PIAS2: variants seen among roughly 807,000 people sequenced by gnomAD.
The protein encoded by PIAS2 is E3 SUMO-protein ligase PIAS2.
A neutral mutation model predicts 69.7 loss-of-function variants in PIAS2; 19 were observed. The ratio of observed to expected loss-of-function variants is 0.27; its 90% CI spans 0.19 to 0.40. PIAS2 has a LOEUF of 0.40. PIAS2 is among the 10% of genes least tolerant of loss of function. The probability of loss-of-function intolerance (pLI) is 1.00; values close to 1 mark genes in which losing one functional copy is unlikely to be tolerated. For missense variants in PIAS2, 624 were observed against 757.0 expected (o/e 0.82, Z 2.06); for synonymous variants, 261 against 263.2 (o/e 0.99, Z 0.08).
At chr18:46,856,876 G>C (rs1488061627) in intron 3 of PIAS2, among the ~76,000 whole-genome samples, 1 of 152,146 alleles carries the variant, frequency 6.6e-6, no homozygotes, top group Non-Finnish European at 1.5e-5. Context: ...AGCTCCACTG[G>C]AAGGCAGTAA....
At chr18:46,889,561 A>T (rs1392658236) in intron 2 of PIAS2, among the ~76,000 whole-genome samples, 1 of 150,472 alleles carries the variant, frequency 6.6e-6, no homozygotes, top group Admixed American at 6.6e-5. Flanking sequence ...GGCCACTATA[A>T]AAAAAAAAGG....
intron 1 of PIAS2, among the ~76,000 whole-genome samples, chr18:46,892,935 G>T (rs1745466268): frequency 6.6e-6 from 1 of 151,870 alleles, no homozygotes; most frequent in Admixed American, 6.6e-5. Flanking sequence ...TCAATATCTG[G>T]TGTATATTTT....
intron 1 of PIAS2, among the ~76,000 whole-genome samples, chr18:46,908,807 G>A (rs2056928338): frequency 6.6e-6 from 1 of 152,130 alleles, no homozygotes. Flanking sequence ...TCAGGAGTTC[G>A]AGACCAGCTT....
chr18:46,881,375 G>A (rs943013627), intron 2 of PIAS2, among the ~76,000 whole-genome samples: 1 of 151,942 alleles, frequency 6.6e-6, no homozygotes, highest in Non-Finnish European at 1.5e-5. Context: ...AAAAACTTTG[G>A]TGTATGTAAT....
At chr18:46,818,118 A>C (rs1331882069) in intron 12 of PIAS2, 2 of 1,060,298 alleles carry the variant, frequency 1.9e-6, no homozygotes, top group African/African-American at 3.3e-5. Context: ...TAAGTGCTTC[A>C]CTGTGAAATT....
At chr18:46,827,334 A>G (rs1208505898) in intron 11 of PIAS2, 2 of 152,182 alleles carry the variant, frequency 1.3e-5, no homozygotes, top group African/African-American at 4.8e-5. Context: ...CTTCTGCCAG[A>G]TAACTTACAG....
chr18:46,827,900 T>G (rs1421866171), intron 11 of PIAS2, 59 bp downstream of exon 11: 1 of 1,384,762 alleles, frequency 7.2e-7, no homozygotes. Context: ...TTTATAAATC[T>G]ATCCAAGAGC....
At chr18:46,839,929 G>A (rs537739335) in intron 8 of PIAS2, among the ~76,000 whole-genome samples, 49 of 151,244 alleles carry the variant, frequency 3.2e-4, no homozygotes, top group African/African-American at 1.2e-3. Flanking sequence ...TTGGGAAGCC[G>A]AGGCGGGGGA....
chr18:46,852,781 C>T (rs915812786), intron 5 of PIAS2: 6 of 152,278 alleles, frequency 3.9e-5, no homozygotes, highest in African/African-American at 1.4e-4. Flanking sequence ...ACATCTGTAG[C>T]CACCATATTT....
rs1314128029 is a variant in PIAS2 at position 46,810,336 on chromosome 18, G to A, written c.*2097C>T. On this transcript the variant is annotated 3_prime_UTR_variant, in exon 14 of 14. Coordinates refer to ENST00000585916, the MANE Select transcript of PIAS2 (RefSeq NM_004671.5). ...TTGGGGGAGTCTCTGACAATCTAAA[G>A]GGTAACAAAATAACAAATATACATC... The A allele has an allele frequency of 6.6e-6, 1 of 152,014 alleles. No individual in the cohort carries two copies. The highest frequency in any genetic ancestry group is 1.5e-5 in the Non-Finnish European group (1 of 67,998). The allele number at this position is 152,014 out of a possible 1,614,324, so 9.4% of individuals were successfully genotyped here.
chr18:46,858,895 G>A (rs962504431), intron 3 of PIAS2, among the ~76,000 whole-genome samples: 1 of 152,080 alleles, frequency 6.6e-6, no homozygotes, highest in Non-Finnish European at 1.5e-5. Context: ...CTACTCACCA[G>A]GACAAGAAGA....
chr18:46,837,748 T>C (rs977255925), intron 8 of PIAS2, among the ~76,000 whole-genome samples: 1 of 152,214 alleles, frequency 6.6e-6, no homozygotes, highest in Admixed American at 6.5e-5. Flanking sequence ...CAGGTTTTCC[T>C]ACATAATCCT....
Position 46,821,088 on chromosome 18 carries a change from C to A in PIAS2, c.1509-16G>T. ...CATGAGAACCCTGTTTTAAATAGCA[C>A]GGGAAATTACAAACAATCTGGCTGT... is the stretch of plus-strand genomic sequence containing the variant. On this transcript the variant is annotated splice_polypyrimidine_tract_variant and intron_variant, in intron 11 of 13. Coordinates refer to ENST00000585916, the MANE Select transcript of PIAS2 (RefSeq NM_004671.5). The A allele has an allele frequency of 1.9e-6, 3 of 1,612,064 alleles. No individual in the cohort carries two copies. The highest frequency in any genetic ancestry group is 2.5e-6 in the Non-Finnish European group (3 of 1,178,978).
rs987724039 is a variant in PIAS2 at position 46,891,342 on chromosome 18, C to A, written c.25-288G>T. 7 of 443,088 alleles carry A rather than the reference C, an allele frequency of 1.6e-5. No homozygotes were observed. In the Admixed American group the frequency reaches 2.3e-4, roughly 15 times the overall value. 27.4% of individuals were successfully genotyped at this position (443,088 alleles called of 1,614,324 possible). ...TTCATTATCTGATTATGCTCTAATG[C>A]AAACAGTTATTTGCTTTATGACTAT... On this transcript the variant is annotated intron_variant, in intron 1 of 13. Coordinates refer to ENST00000585916, the MANE Select transcript of PIAS2 (RefSeq NM_004671.5).
At chr18:46,860,465 A>C (rs557460270) in intron 3 of PIAS2, among the ~76,000 whole-genome samples, 119 of 152,366 alleles carry the variant, frequency 7.8e-4, no homozygotes, top group Non-Finnish European at 1.4e-3. Context: ...GCAGCAGAGA[A>C]AATACAAGAT....
intron 2 of PIAS2, among the ~76,000 whole-genome samples, chr18:46,868,675 C>T (rs2049867564): frequency 6.6e-6 from 1 of 152,190 alleles, no homozygotes; most frequent in Non-Finnish European, 1.5e-5. Context: ...GAAGTGTGAC[C>T]AGCACCCTTC....
chr18:46,882,594 G>A (rs963268575), intron 2 of PIAS2, among the ~76,000 whole-genome samples: 3 of 152,156 alleles, frequency 2.0e-5, no homozygotes, highest in Non-Finnish European at 2.9e-5. Flanking sequence ...TAGCTGCAAT[G>A]TCTGTAAAAC....
chr18:46,884,704 T>C (rs1198832281), intron 2 of PIAS2, among the ~76,000 whole-genome samples: 1 of 151,922 alleles, frequency 6.6e-6, no homozygotes, highest in Non-Finnish European at 1.5e-5. Flanking sequence ...TCACTTGAGG[T>C]CAGGAGTTTG....
Position 46,812,247 on chromosome 18 carries a change from T to G in PIAS2, c.*186A>C. 1.9e-6 allele frequency: 1 copy of G among 514,414 alleles called. No homozygotes were observed. The highest frequency in any genetic ancestry group is 3.2e-5 in the South Asian group (1 of 31,190). The allele number at this position is 514,414 out of a possible 1,614,324, so 31.9% of individuals were successfully genotyped here. A position where few individuals can be genotyped will look rare whatever the true frequency, so the allele number is the denominator to read the frequency against. On this transcript the variant is annotated 3_prime_UTR_variant, in exon 14 of 14. Transcript: ENST00000585916. Reference sequence around the variant, plus strand: ...GAGAGTACAGCATAATTAAGAAAAATCCTTGCATGTCATTTGGTTCTTGTT... The same window carrying G: ...GAGAGTACAGCATAATTAAGAAAAAGCCTTGCATGTCATTTGGTTCTTGTT...
Sources: allele counts gnomAD v4.1 joint callset (sites outside exome capture counted in the v4.1 genomes callset), GRCh38; gene constraint gnomAD v4.1.1; transcripts MANE v1.5; gene names NCBI Gene and HGNC (gene_info 2026-07-23, HGNC 2026-07-21).